KLRD1: variants seen among roughly 807,000 people sequenced by gnomAD.
The protein encoded by KLRD1 is killer cell lectin like receptor D1, also known as natural killer cells antigen CD94.
A neutral mutation model predicts 22.6 loss-of-function variants in KLRD1; 21 were observed. The ratio of observed to expected loss-of-function variants is 0.93; its 90% CI spans 0.66 to 1.34. The LOEUF (loss-of-function observed/expected upper bound fraction) is 1.34. KLRD1 is among the 40% of genes most tolerant of loss of function. The pLI is 0.00. For synonymous variants in KLRD1, 59 were observed against 71.1 expected (o/e 0.83, Z 0.85); for missense variants, 183 against 208.6 (o/e 0.88, Z 0.76).
At chr12:10,260,809 G>T (rs1203942560) in intron 1 of KLRD1, among the ~76,000 whole-genome samples, 2 of 152,072 alleles carry the variant, frequency 1.3e-5, no homozygotes, top group East Asian at 1.9e-4. Flanking sequence ...GGGTGTGGTG[G>T]TGGGCACCTG....
chr12:10,305,787 G>A (rs1949912554), upstream of KLRD1, among the ~76,000 whole-genome samples: 1 of 152,184 alleles, frequency 6.6e-6, no homozygotes, highest in Non-Finnish European at 1.5e-5. Flanking sequence ...GCGAGGCAAT[G>A]ATAACTTCAG....
chr12:10,309,950 TTAAG>T (rs1224017980), intron 3 of KLRD1, among the ~76,000 whole-genome samples: 3 of 152,232 alleles, frequency 2.0e-5, no homozygotes, highest in South Asian at 2.1e-4. Flanking sequence ...GTGCTCATAA[TTAAG>T]TAACAAAAAA....
intron 1 of KLRD1, among the ~76,000 whole-genome samples, chr12:10,284,835 G>C (rs1269177879): frequency 6.6e-6 from 1 of 152,024 alleles, no homozygotes; most frequent in Non-Finnish European, 1.5e-5. Context: ...TACAAAATTA[G>C]CCGGGCATGG....
intron 3 of KLRD1, 115 bp downstream of exon 3, chr12:10,309,803 AC>A: frequency 1.4e-6 from 1 of 733,526 alleles, no homozygotes; most frequent in Non-Finnish European, 2.4e-6. Context: ...AAATTTGCCT[AC>A]CAGTGTAGGA....
chr12:10,261,190 G>T (rs978387003), intron 1 of KLRD1, among the ~76,000 whole-genome samples: 2 of 152,168 alleles, frequency 1.3e-5, no homozygotes, highest in Admixed American at 6.5e-5. Flanking sequence ...GTGAAGTCTG[G>T]CTCAGTAGGG....
chr12:10,265,701 G>T (rs1949492350), intron 1 of KLRD1, among the ~76,000 whole-genome samples: 1 of 152,178 alleles, frequency 6.6e-6, no homozygotes, highest in Admixed American at 6.5e-5. Context: ...AGGTTGCAAT[G>T]AGCCAAGATC....
At chr12:10,302,828 T>C (rs1389703378), upstream of KLRD1, among the ~76,000 whole-genome samples, 1 of 151,434 alleles carries the variant, frequency 6.6e-6, no homozygotes, top group Non-Finnish European at 1.5e-5. Flanking sequence ...ATAGGAGCAA[T>C]TGGGAAGGTC....
chr12:10,312,860 G>C (rs894091958), intron 4 of KLRD1, among the ~76,000 whole-genome samples: 4 of 151,458 alleles, frequency 2.6e-5, no homozygotes, highest in South Asian at 2.1e-4. Context: ...GGTGGCGGGC[G>C]CCTGTAGTCC....
chr12:10,310,265 G>A lies in KLRD1; in HGVS notation c.163+577G>A, dbSNP rs1290223695. Reference sequence around the variant, plus strand: ...CTCCCAAGTAGCTGGGACTACAGGCGCCCGCCACCATGCCCAGCTAATTTT... The same window carrying A: ...CTCCCAAGTAGCTGGGACTACAGGCACCCGCCACCATGCCCAGCTAATTTT... On this transcript the variant is annotated intron_variant, in intron 3 of 5. Transcript: ENST00000336164. 4.6e-5 allele frequency among the ~76,000 whole-genome samples: 7 copies of A among 151,984 alleles called. No individual in the cohort carries two copies. In the East Asian group the frequency reaches 7.7e-4, roughly 17 times the overall value.
chr12:10,295,025 T>C (rs1292568034), intron 1 of KLRD1, among the ~76,000 whole-genome samples: 1 of 152,176 alleles, frequency 6.6e-6, no homozygotes, highest in Non-Finnish European at 1.5e-5. Context: ...ATTCTGGAAA[T>C]GTTCTATTTC....
At chr12:10,245,963 T>C (rs981576801) in intron 1 of KLRD1, among the ~76,000 whole-genome samples, 1 of 152,180 alleles carries the variant, frequency 6.6e-6, no homozygotes, top group Non-Finnish European at 1.5e-5. Context: ...GGATTACAGA[T>C]GTGAGCTACC....
chr12:10,315,572 T>A lies in KLRD1; in HGVS notation c.*779T>A, dbSNP rs1950205080. 1 of 154,146 alleles carries A rather than the reference T, an allele frequency of 6.5e-6. No individual in the cohort carries two copies. 9.5% of individuals were successfully genotyped at this position (154,146 alleles called of 1,614,324 possible). On this transcript the variant is annotated 3_prime_UTR_variant, in exon 6 of 6. Transcript: ENST00000336164. The stretch of plus-strand genomic sequence containing the variant: ...TTGCACTTTCTGGAGATTTGTAATG[T>A]TTTGGTTTTGTTGTCCATGTGACTA...
chr12:10,259,079 A>G (rs1165157046), intron 1 of KLRD1, among the ~76,000 whole-genome samples: 1 of 152,188 alleles, frequency 6.6e-6, no homozygotes, highest in Non-Finnish European at 1.5e-5. Context: ...TACTTTTGAG[A>G]TCAAAAGCAT....
At position 10,324,802 on chromosome 12, in the gene KLRD1, G is replaced by GTA. The variant is rs1242324764; in HGVS notation, c.*10013_*10014dup. The GTA allele has an allele frequency of 1.1e-4, 6 of 53,696 alleles. No individual in the cohort carries two copies. Among genetic ancestry groups the GTA allele is most frequent in the African/African-American group, 3.0e-4 (6 of 19,972 alleles). 3.3% of individuals were successfully genotyped at this position (53,696 alleles called of 1,614,324 possible). A position where few individuals can be genotyped will look rare whatever the true frequency, so the allele number is the denominator to read the frequency against. On this transcript the variant is annotated 3_prime_UTR_variant, in exon 6 of 6. Transcript: ENST00000336164. Reference sequence around the variant, plus strand: ...TTATTTTAAAATTGTAAGTATATATGTATATGTGTGTGTGTGTATATATAT... The same window carrying GTA: ...TTATTTTAAAATTGTAAGTATATATGTATATATGTGTGTGTGTGTATATATAT...
chr12:10,239,557 TTCTTTC>T (rs879727889), intron 1 of KLRD1, among the ~76,000 whole-genome samples: 4,752 of 135,884 alleles, frequency 0.035, 255 homozygotes, highest in East Asian at 0.12. Flanking sequence ...CTTTCTTTCT[TTCTTTC>T]TTTCTTTCTT....
At position 10,256,425 on chromosome 12, in the gene KLRD1, GTTT is replaced by G. The variant is rs139328118; in HGVS notation, c.-101+30207_-101+30209del. On this transcript the variant is annotated intron_variant, in intron 1 of 5. Coordinates refer to the KLRD1 transcript ENST00000544747. Reference sequence around the variant, plus strand: ...TTATTGACTTTCTTTGTGATTAGCTGTTTTTTTTTTTTTTTTTGTAGAGACACA... The same window carrying G: ...TTATTGACTTTCTTTGTGATTAGCTGTTTTTTTTTTTTTTGTAGAGACACA... Among the ~76,000 whole-genome samples the G allele has an allele frequency of 9.2e-3, 1,209 of 130,982 alleles. 13 individuals carry two copies. Among genetic ancestry groups the G allele is most frequent in the Middle Eastern group, 0.038 (10 of 260 alleles). 85.9% of individuals were successfully genotyped at this position (130,982 alleles called of 152,430 possible).
chr12:10,278,306 T>G (rs188623146), intron 1 of KLRD1, among the ~76,000 whole-genome samples: 1 of 152,194 alleles, frequency 6.6e-6, no homozygotes, highest in Non-Finnish European at 1.5e-5. Flanking sequence ...GTGAAAATAA[T>G]CCATGTCAGG....
At position 10,281,778 on chromosome 12, in the gene KLRD1, ACATGACTAAGAGAC is replaced by A. The variant is rs1322563823; in HGVS notation, c.-100-26199_-100-26186del. The stretch of plus-strand genomic sequence containing the variant: ...TGAAATGACACATTCCCGTGACTGA[ACATGACTAAGAGAC>A]GATTATCTGAGAATTACTTACATAA... On this transcript the variant is annotated intron_variant, in intron 1 of 5. Coordinates refer to the KLRD1 transcript ENST00000544747. Among the ~76,000 whole-genome samples, 4 of 152,364 alleles carry A rather than the reference ACATGACTAAGAGAC, an allele frequency of 2.6e-5. No individual in the cohort carries two copies. In the East Asian group the frequency reaches 7.7e-4, roughly 29 times the overall value.
At chr12:10,303,170 C>G (rs1351060188), upstream of KLRD1, among the ~76,000 whole-genome samples, 1 of 152,162 alleles carries the variant, frequency 6.6e-6, no homozygotes, top group Non-Finnish European at 1.5e-5. Flanking sequence ...GCATGAGAAC[C>G]TTTGTGTCAG....
Sources: allele counts gnomAD v4.1 joint callset (sites outside exome capture counted in the v4.1 genomes callset), GRCh38; gene constraint gnomAD v4.1.1; transcripts MANE v1.5; gene names NCBI Gene and HGNC (gene_info 2026-07-23, HGNC 2026-07-21).